Variants in RSF1 observed in about 807,000 individuals in gnomAD.
RSF1 encodes HBV pX-associated protein 8.
In RSF1, 13 loss-of-function variants were observed where a neutral mutation model predicts 145.2. The observed-to-expected ratio is 0.09, with a 90% CI of 0.06 to 0.14. The LOEUF (loss-of-function observed/expected upper bound fraction) is 0.14. RSF1 is among the 10% of genes least tolerant of loss of function. RSF1 has a pLI of 1.00. For missense variants in RSF1, 1,517 were observed against 1,718.2 expected (o/e 0.88, Z 2.07); for synonymous variants, 577 against 592.6 (o/e 0.97, Z 0.38).
intron 4 of RSF1, among the ~76,000 whole-genome samples, chr11:77,737,048 G>A (rs1961370339): frequency 6.6e-6 from 1 of 152,172 alleles, no homozygotes; most frequent in Admixed American, 6.5e-5. Context: ...TTTGGGCAAT[G>A]TTCCCTGGCT....
At chr11:77,753,664 A>G (rs1237484908) in intron 2 of RSF1, among the ~76,000 whole-genome samples, 1 of 152,240 alleles carries the variant, frequency 6.6e-6, no homozygotes, top group African/African-American at 2.4e-5. Context: ...TCTTCTTCCA[A>G]TGTGGCCCAC....
chr11:77,705,247 G>C (rs536722200), intron 5 of RSF1, among the ~76,000 whole-genome samples: 3 of 152,240 alleles, frequency 2.0e-5, no homozygotes, highest in East Asian at 1.9e-4. Context: ...AGTTGTAAAA[G>C]AGCACATAAA....
Position 77,701,270 on chromosome 11 carries a change from T to G in RSF1, c.1959A>C (p.Thr653=), listed in dbSNP as rs536037648. ...SEKEVVECQS[T]STVGGQSVKK... ...TCACAGACTGGCCACCAACAGTACTTGTACTCTGGCATTCTACCACTTCTT... is the reference window on the plus strand; with the variant it reads ...TCACAGACTGGCCACCAACAGTACTGGTACTCTGGCATTCTACCACTTCTT... The change falls in exon 6 of 16, where the codon ACA becomes ACC. Residue 653 remains threonine (T), a synonymous_variant. Coordinates refer to ENST00000308488, the MANE Select transcript of RSF1 (RefSeq NM_016578.4). 1 of 1,614,180 alleles carries G rather than the reference T, an allele frequency of 6.2e-7. No individual in the cohort carries two copies. Among genetic ancestry groups the G allele is most frequent in the African/African-American group, 1.3e-5 (1 of 75,058 alleles).
At chr11:77,818,566 G>A (rs959021853) in intron 1 of RSF1, among the ~76,000 whole-genome samples, 4 of 152,104 alleles carry the variant, frequency 2.6e-5, no homozygotes, top group Admixed American at 6.5e-5. Flanking sequence ...GGATCACGAG[G>A]TCAGGAGTTC....
intron 14 of RSF1, among the ~76,000 whole-genome samples, chr11:77,674,602 A>G (rs1959642259): frequency 1.3e-5 from 2 of 152,276 alleles, no homozygotes; most frequent in African/African-American, 4.8e-5. Context: ...TTAACGTATC[A>G]ATCAGTATGT....
At chr11:77,750,659 A>G (rs1281975688) in intron 2 of RSF1, among the ~76,000 whole-genome samples, 1 of 152,178 alleles carries the variant, frequency 6.6e-6, no homozygotes, top group Non-Finnish European at 1.5e-5. Flanking sequence ...TCCTAATTAC[A>G]TTGGTAATTC....
intron 5 of RSF1, among the ~76,000 whole-genome samples, chr11:77,716,078 C>T (rs529506685): frequency 2.6e-5 from 4 of 151,852 alleles, no homozygotes; most frequent in African/African-American, 7.3e-5. Context: ...TATCACCTAA[C>T]GCCTGTTAGG....
At chr11:77,864,443 A>C in the RSF1 span, among the ~76,000 whole-genome samples, 4 of 152,170 alleles carry the variant, frequency 2.6e-5, no homozygotes, top group East Asian at 7.8e-4. Context: ...CCATCTCAAA[A>C]AATAAAAAAT....
the RSF1 span, chr11:77,866,443 A>G: frequency 6.6e-6 from 1 of 152,212 alleles, no homozygotes; most frequent in Non-Finnish European, 1.5e-5. Context: ...CCTCAATAAT[A>G]GTCTCAAGCT....
Position 77,666,870 on chromosome 11 carries a change from G to A in RSF1, c.*47C>T. 2 of 1,437,862 alleles carry A rather than the reference G, an allele frequency of 1.4e-6. No individual in the cohort carries two copies. The highest frequency in any genetic ancestry group is 1.5e-5 in the South Asian group (1 of 66,618). The allele number at this position is 1,437,862 out of a possible 1,614,324, so 89.1% of individuals were successfully genotyped here. Reference sequence around the variant, plus strand: ...AGCTTTTAATAACTGGCCCGCTGGTGTGAGAGCTACCGTGGAATAAATTAG... The same window carrying A: ...AGCTTTTAATAACTGGCCCGCTGGTATGAGAGCTACCGTGGAATAAATTAG... On this transcript the variant is annotated 3_prime_UTR_variant, in exon 16 of 16. Transcript: ENST00000308488.
At chr11:77,719,214 G>T (rs1401382039) in intron 5 of RSF1, among the ~76,000 whole-genome samples, 1 of 152,162 alleles carries the variant, frequency 6.6e-6, no homozygotes, top group Non-Finnish European at 1.5e-5. Flanking sequence ...AGCCTGGGGA[G>T]TAAGAGCAAG....
chr11:77,744,008 A>AT (rs1350353131), intron 3 of RSF1, among the ~76,000 whole-genome samples: 2 of 152,168 alleles, frequency 1.3e-5, no homozygotes, highest in African/African-American at 4.8e-5. Context: ...AATGTGGAGC[A>AT]TCACAACTTT....
At chr11:77,854,135 C>T in the RSF1 span, among the ~76,000 whole-genome samples, 379 of 151,814 alleles carry the variant, frequency 2.5e-3, 4 homozygotes, top group African/African-American at 8.6e-3. Flanking sequence ...GGACTACAGG[C>T]GCCCGCCACC....
chr11:77,698,362 C>T (rs4945202), intron 7 of RSF1, 125 bp downstream of exon 7: 92,438 of 763,346 alleles, frequency 0.12, 6,359 homozygotes, highest in Admixed American at 0.21. Flanking sequence ...ATAAAGGTTA[C>T]TCTGTAGCAT....
rs201186477 is a variant in RSF1, at chr11:77,676,911, A to C, written c.3222T>G (p.Asn1074Lys). 10 of 1,380,160 alleles carry C rather than the reference A, an allele frequency of 7.2e-6. No individual in the cohort carries two copies. Among genetic ancestry groups the C allele is most frequent in the African/African-American group, 1.5e-5 (1 of 68,548 alleles). 85.5% of individuals were successfully genotyped at this position (1,380,160 alleles called of 1,614,324 possible). Reference sequence around the variant, plus strand: ...CAGCAGCTGCCCTCTGGGGTCGTTTATTTTCTTTTCTTTCTTCATCCAAAA... The same window carrying C: ...CAGCAGCTGCCCTCTGGGGTCGTTTCTTTTCTTTTCTTTCTTCATCCAAAA... ...STILDEERKE[N>K]KRPQRAAAAR... The change falls in exon 13 of 16, where the codon AAT (asparagine) becomes AAG (lysine). Residue 1074 changes from asparagine (N) to lysine (K), a missense_variant. Physicochemically the swap from Asn to Lys is moderately conservative, Grantham distance 94 (BLOSUM62 0). Around this residue, in one of 12 missense-constraint regions of RSF1, gnomAD observed 231 missense variants for 276.6 expected, o/e 0.84. Transcript: ENST00000308488.
At chr11:77,856,382 T>C in the RSF1 span, among the ~76,000 whole-genome samples, 7 of 152,196 alleles carry the variant, frequency 4.6e-5, no homozygotes, top group Admixed American at 3.9e-4. Context: ...TCATCTTCCT[T>C]TCTTCTTCTG....
chr11:77,869,541 T>G, the RSF1 span, among the ~76,000 whole-genome samples: 2 of 152,190 alleles, frequency 1.3e-5, no homozygotes, highest in South Asian at 4.1e-4. Context: ...GGTCTTGAAC[T>G]CCTAGGTTCA....
chr11:77,719,827 CATT>C (rs1057387582), intron 5 of RSF1, among the ~76,000 whole-genome samples: 29 of 152,056 alleles, frequency 1.9e-4, no homozygotes, highest in Non-Finnish European at 7.4e-5. Context: ...ATGTTTTTAA[CATT>C]ATGTTAGTGT....
Position 77,675,214 on chromosome 11 carries a change from T to G in RSF1, c.3384A>C (p.Glu1128Asp). Residue 1128 changes from glutamate to aspartate, a missense_variant, in exon 14 of 16, where the codon GAA becomes GAC. By Grantham distance (45) the Glu-to-Asp change is conservative. This residue lies in a region of RSF1 where 231 missense variants were observed against 276.6 expected (regional missense o/e 0.84). Coordinates refer to ENST00000308488, the MANE Select transcript of RSF1 (RefSeq NM_016578.4). ...CATTAGATGGCGGATCTTCTTCACT[T>G]TCATCTGGGTTTTCATCAGACACAA... ...EFVVSDENPD[E>D]SEEDPPSNDD... 1 of 1,613,992 alleles carries G rather than the reference T, an allele frequency of 6.2e-7. No homozygotes were observed. Among genetic ancestry groups the G allele is most frequent in the Non-Finnish European group, 8.5e-7 (1 of 1,180,006 alleles).
Sources: allele counts gnomAD v4.1 joint callset (sites outside exome capture counted in the v4.1 genomes callset), GRCh38; gene constraint gnomAD v4.1.1; regional missense constraint gnomAD v4.1.1; transcripts MANE v1.5; gene names NCBI Gene and HGNC (gene_info 2026-07-23, HGNC 2026-07-21).